MYOCD: variants seen among roughly 807,000 people sequenced by gnomAD.
The protein encoded by MYOCD is myocardin.
A neutral mutation model predicts 96.1 loss-of-function variants in MYOCD; 32 were observed. That is an observed-to-expected ratio of 0.33 (90% CI 0.25 to 0.45). MYOCD has a LOEUF of 0.45. MYOCD is among the 20% of genes least tolerant of loss of function. The pLI is 1.00. For synonymous variants in MYOCD, 469 were observed against 469.0 expected, an observed-to-expected ratio of 1.00 and a Z score of 0.00; for missense variants, 1,133 against 1,200.6, an observed-to-expected ratio of 0.94 and a Z score of 0.83.
chr17:12,753,490 C>T (rs1302452804), intron 10 of MYOCD, 144 bp downstream of exon 10: 4 of 759,642 alleles, frequency 5.3e-6, no homozygotes, highest in Non-Finnish European at 8.1e-6. Context: ...CACTACAATC[C>T]TTGAATCCTC....
intron 5 of MYOCD, among the ~76,000 whole-genome samples, chr17:12,731,248 G>A (rs1254928018): frequency 2.6e-5 from 4 of 152,200 alleles, no homozygotes; most frequent in Non-Finnish European, 5.9e-5. Flanking sequence ...CAGATAAGGT[G>A]ACCTTTGTCC....
intron 12 of MYOCD, among the ~76,000 whole-genome samples, chr17:12,759,413 T>C (rs2033106405): frequency 6.6e-6 from 1 of 152,232 alleles, no homozygotes; most frequent in African/African-American, 2.4e-5. Flanking sequence ...TCTTATTCTA[T>C]ATTCAGTTCA....
At chr17:12,762,866 G>T in intron 13 of MYOCD, 1 of 564,680 alleles carries the variant, frequency 1.8e-6, no homozygotes, top group Non-Finnish European at 3.1e-6. Context: ...AATAATCACA[G>T]AGTGGAATTC....
chr17:12,710,248 G>C (rs752110228), intron 2 of MYOCD, among the ~76,000 whole-genome samples: 33 of 152,144 alleles, frequency 2.2e-4, no homozygotes, highest in Non-Finnish European at 3.8e-4. Flanking sequence ...GTTTAACCCA[G>C]GGGAGAGATG....
chr17:12,752,119 C>T (rs898475050), intron 9 of MYOCD, among the ~76,000 whole-genome samples: 4 of 152,118 alleles, frequency 2.6e-5, no homozygotes, highest in Non-Finnish European at 2.9e-5. Context: ...GGACACAGAT[C>T]GCCATGAGGG....
intron 4 of MYOCD, 60 bp from the exon 5 acceptor site, chr17:12,722,787 A>C: frequency 1.4e-6 from 2 of 1,448,766 alleles, no homozygotes; most frequent in South Asian, 2.6e-5. Flanking sequence ...CAAAAAACAA[A>C]AAAGAGAGAG....
intron 7 of MYOCD, among the ~76,000 whole-genome samples, chr17:12,740,053 A>G (rs2032461429): frequency 3.3e-5 from 5 of 152,132 alleles, no homozygotes; most frequent in South Asian, 4.2e-4. Flanking sequence ...CTCCTGCCTC[A>G]GCCTCCCGAG....
At chr17:12,715,217 G>T (rs2031601826) in intron 2 of MYOCD, among the ~76,000 whole-genome samples, 1 of 152,124 alleles carries the variant, frequency 6.6e-6, no homozygotes, top group Admixed American at 6.5e-5. Flanking sequence ...TCTGTTTTCA[G>T]TTTTCCACCA....
chr17:12,674,511 A>C lies in MYOCD; in HGVS notation c.55+8268A>C, dbSNP rs534869748. On this transcript the variant is annotated intron_variant, in intron 1 of 13. Transcript: ENST00000425538. Reference sequence around the variant, plus strand: ...AAAAATTAAGAAATTTTTGAAAGGCAACAAGAAGAAGAGATTTGCTCTAAG... The same window carrying C: ...AAAAATTAAGAAATTTTTGAAAGGCCACAAGAAGAAGAGATTTGCTCTAAG... 2.1e-4 allele frequency among the ~76,000 whole-genome samples: 32 copies of C among 152,366 alleles called. No homozygotes were observed. The South Asian group carries it at 6.4e-3, about 31-fold the overall frequency.
At chr17:12,685,602 CT>C (rs1396823920) in intron 1 of MYOCD, among the ~76,000 whole-genome samples, 4 of 43,814 alleles carry the variant, frequency 9.1e-5, no homozygotes, top group Non-Finnish European at 3.0e-4. Context: ...TTGAGACTGG[CT>C]TAAAAAAAAA....
At chr17:12,728,944 T>A (rs1311580374) in intron 5 of MYOCD, among the ~76,000 whole-genome samples, 2 of 152,176 alleles carry the variant, frequency 1.3e-5, no homozygotes, top group South Asian at 2.1e-4. Context: ...TTATAAAAGA[T>A]CCTGTGCTAG....
At chr17:12,694,757 T>C (rs939703633) in intron 1 of MYOCD, among the ~76,000 whole-genome samples, 1 of 152,046 alleles carries the variant, frequency 6.6e-6, no homozygotes, top group African/African-American at 2.4e-5. Flanking sequence ...TGTTTCTTAA[T>C]GTAATATCAA....
chr17:12,697,497 A>G (rs980942404), intron 1 of MYOCD, among the ~76,000 whole-genome samples: 2 of 150,362 alleles, frequency 1.3e-5, no homozygotes, highest in African/African-American at 2.4e-5. Flanking sequence ...TGAGTAGCTG[A>G]GACTACAGGC....
chr17:12,728,775 A>G (rs2032077881), intron 5 of MYOCD, among the ~76,000 whole-genome samples: 1 of 152,182 alleles, frequency 6.6e-6, no homozygotes, highest in South Asian at 2.1e-4. Flanking sequence ...CACCGTGCCC[A>G]GCCAGTCTTT....
At chr17:12,718,623 G>T (rs553935823) in intron 4 of MYOCD, among the ~76,000 whole-genome samples, 1 of 152,296 alleles carries the variant, frequency 6.6e-6, no homozygotes, top group African/African-American at 2.4e-5. Flanking sequence ...TTAAGACGGA[G>T]AACTGTTTTC....
chr17:12,705,379 G>A, intron 2 of MYOCD, 186 bp downstream of exon 2: 1 of 510,146 alleles, frequency 2.0e-6, no homozygotes. Context: ...TCACCTGCAA[G>A]GGGCTCCTTT....
chr17:12,678,535 A>G (rs961946554), intron 1 of MYOCD, among the ~76,000 whole-genome samples: 1 of 151,768 alleles, frequency 6.6e-6, no homozygotes, highest in African/African-American at 2.4e-5. Flanking sequence ...ATATAAAACC[A>G]AAGAGAGAGA....
chr17:12,756,621 G>A (rs1436980780), intron 11 of MYOCD, 64 bp downstream of exon 11: 19 of 1,433,096 alleles, frequency 1.3e-5, no homozygotes, highest in African/African-American at 2.9e-5. Flanking sequence ...TCTGTAACCC[G>A]GGAGGCAGAA....
intron 1 of MYOCD, among the ~76,000 whole-genome samples, chr17:12,675,051 A>G (rs947271623): frequency 2.6e-5 from 4 of 152,240 alleles, no homozygotes; most frequent in African/African-American, 7.2e-5. Context: ...AAATTATTAA[A>G]AGGACTTATA....
Sources: allele counts gnomAD v4.1 joint callset (sites outside exome capture counted in the v4.1 genomes callset), GRCh38; gene constraint gnomAD v4.1.1; transcripts MANE v1.5; gene names NCBI Gene and HGNC (gene_info 2026-07-23, HGNC 2026-07-21).